The following CEMIP variants were observed in gnomAD, a reference collection of about 807,000 sequenced individuals.
CEMIP encodes the protein cell migration-inducing and hyaluronan-binding protein.
CEMIP carries 105 observed loss-of-function variants against 156.9 expected under a neutral mutation model. The observed-to-expected ratio is 0.67, with a 90% CI of 0.57 to 0.79. The LOEUF (loss-of-function observed/expected upper bound fraction) is 0.79, where lower values mean the gene tolerates loss of function less well. CEMIP is among the 30% of genes least tolerant of loss of function. The pLI, the probability that CEMIP is intolerant of heterozygous loss-of-function variation, is 0.00. For synonymous variants in CEMIP, 676 were observed against 668.4 expected (o/e 1.01, Z -0.17); for missense variants, 1,457 against 1,769.4 (o/e 0.82, Z 3.17).
chr15:80,920,403 C>A, intron 15 of CEMIP, 104 bp downstream of exon 15: 1 of 1,082,648 alleles, frequency 9.2e-7, no homozygotes, highest in Non-Finnish European at 1.3e-6. Context: ...CACTTCGGGG[C>A]TCTGAGGAGC....
chr15:80,942,079 A>G (rs1406619492), intron 26 of CEMIP, 26 bp downstream of exon 26: 1 of 1,605,920 alleles, frequency 6.2e-7, no homozygotes, highest in Non-Finnish European at 8.5e-7. Flanking sequence ...CAAAGCCTAG[A>G]CCCCTTTGCC....
At chr15:80,907,018 C>G (rs949464077) in intron 13 of CEMIP, among the ~76,000 whole-genome samples, 180 bp downstream of exon 13, 5 of 152,094 alleles carry the variant, frequency 3.3e-5, no homozygotes, top group African/African-American at 1.2e-4. Context: ...CAGCTCCCCC[C>G]CCACCAATAT....
rs1436560278 is a variant in CEMIP at position 80,834,345 on chromosome 15, T to C, written c.-175-39193T>C. Among the ~76,000 whole-genome samples the C allele has an allele frequency of 2.0e-5, 3 of 152,364 alleles. No individual in the cohort carries two copies. In the East Asian group the frequency reaches 5.8e-4, roughly 29 times the overall value. On this transcript the variant is annotated intron_variant, in intron 1 of 29. Coordinates refer to ENST00000394685, the MANE Select transcript of CEMIP (RefSeq NM_001293298.2). ...TACCAATCTTTTTTAAAATTGTTAGTCCTTTTTTATTTCTGTTTTACACAT... is the reference window on the plus strand; with the variant it reads ...TACCAATCTTTTTTAAAATTGTTAGCCCTTTTTTATTTCTGTTTTACACAT...
intron 1 of CEMIP, among the ~76,000 whole-genome samples, chr15:80,868,125 G>A (rs183721274): frequency 2.0e-4 from 30 of 152,272 alleles, no homozygotes; most frequent in Admixed American, 1.8e-3. Flanking sequence ...AGGAGCCACG[G>A]CATGGATTTA....
Position 80,873,622 on chromosome 15 carries a change from A to C in CEMIP, c.-91A>C. ...TCACTCGGTCTCTGAGCTGCAGGAC[A>C]CAGGCAGGACAACGGTAGGATTTTC... On this transcript the variant is annotated 5_prime_UTR_variant, in exon 2 of 30. Coordinates refer to ENST00000394685, the MANE Select transcript of CEMIP (RefSeq NM_001293298.2). 2.0e-6 allele frequency: 1 copy of C among 506,260 alleles called. No individual in the cohort carries two copies. Among genetic ancestry groups the C allele is most frequent in the African/African-American group, 1.9e-5 (1 of 51,874 alleles). 31.4% of individuals were successfully genotyped at this position (506,260 alleles called of 1,614,324 possible). A position where few individuals can be genotyped will look rare whatever the true frequency, so the allele number is the denominator to read the frequency against.
chr15:80,874,044 G>A (rs1898388243), intron 3 of CEMIP, 71 bp downstream of exon 3: 16 of 1,407,930 alleles, frequency 1.1e-5, no homozygotes, highest in Non-Finnish European at 1.5e-5. Context: ...GAGCAAGGCT[G>A]CTTTTGGGGG....
chr15:80,930,286 C>G (rs768813579), intron 21 of CEMIP, among the ~76,000 whole-genome samples: 1 of 152,242 alleles, frequency 6.6e-6, no homozygotes, highest in Admixed American at 6.5e-5. Context: ...ATGGAGCAGT[C>G]CCTTTCAGCA....
In CEMIP at chr15:80,895,029, G is replaced by A. The variant is rs575897703; in HGVS notation, c.1126G>A (p.Val376Ile). ...MDGVNLSTEV[V>I]YKKGQDYRFA... ...TGGAGTTAACCTCAGCACCGAGGTT[G>A]TCTACAAAAAAGGCCAGGATTATAG... The change falls in exon 11 of 30, where the codon GTC (valine) becomes ATC (isoleucine). Residue 376 changes from valine (V) to isoleucine (I), a missense_variant. Transcript: ENST00000394685. 1.9e-6 allele frequency: 3 copies of A among 1,614,150 alleles called. No homozygotes were observed. Among genetic ancestry groups the A allele is most frequent in the African/African-American group, 2.7e-5 (2 of 75,042 alleles).
chr15:80,805,331 C>T (rs143469667), intron 1 of CEMIP, among the ~76,000 whole-genome samples: 7 of 152,298 alleles, frequency 4.6e-5, no homozygotes, highest in South Asian at 2.1e-4. Flanking sequence ...CCTTCCTGCC[C>T]GCCCGGGACA....
intron 10 of CEMIP, among the ~76,000 whole-genome samples, chr15:80,890,878 A>C (rs966624137): frequency 6.6e-6 from 1 of 152,166 alleles, no homozygotes; most frequent in African/African-American, 2.4e-5. Context: ...CTTTCTCATT[A>C]TTTGGCTGAG....
intron 10 of CEMIP, 44 bp from the exon 11 acceptor site, chr15:80,894,946 A>G (rs534014313): frequency 6.9e-7 from 1 of 1,441,114 alleles, no homozygotes. Flanking sequence ...CCTTCTCTAT[A>G]AAAAAAAAAC....
At chr15:80,795,581 A>G (rs1596093707) in intron 1 of CEMIP, among the ~76,000 whole-genome samples, 1 of 152,178 alleles carries the variant, frequency 6.6e-6, no homozygotes, top group African/African-American at 2.4e-5. Context: ...ATTATACTCC[A>G]GGACACACTG....
At chr15:80,785,537 T>C (rs370364321) in intron 1 of CEMIP, among the ~76,000 whole-genome samples, 1 of 152,204 alleles carries the variant, frequency 6.6e-6, no homozygotes, top group East Asian at 1.9e-4. Flanking sequence ...GTTGAATACA[T>C]GGTTCCTGCT....
rs750368243 is a variant in CEMIP, at chr15:80,933,422, G to A, written c.2971G>A (p.Asp991Asn). 6.1e-5 allele frequency: 99 copies of A among 1,614,018 alleles called. No homozygotes were observed. Among genetic ancestry groups the A allele is most frequent in the Non-Finnish European group, 5.9e-5 (70 of 1,180,042 alleles). Reference protein sequence around the residue: ...VRHPDCINVPDWRGAICSGCY... With the variant: ...VRHPDCINVPNWRGAICSGCY... ...GCACCCAGACTGCATCAATGTTCCC[G>A]ACTGGAGAGGGGCCATTTGCAGTGG... The change falls in exon 23 of 30, where the codon GAC becomes AAC. Residue 991 changes from aspartate (D) to asparagine (N), a missense_variant. This residue lies in a region of CEMIP where 798 missense variants were observed against 980.1 expected (regional missense o/e 0.81). Coordinates refer to ENST00000394685, the MANE Select transcript of CEMIP (RefSeq NM_001293298.2).
intron 1 of CEMIP, among the ~76,000 whole-genome samples, chr15:80,784,417 C>G (rs951910491): frequency 6.6e-6 from 1 of 152,204 alleles, no homozygotes; most frequent in Non-Finnish European, 1.5e-5. Flanking sequence ...CTCTTTGGCC[C>G]TCTCTGAGGT....
chr15:80,791,954 C>T (rs1013714920), intron 1 of CEMIP, among the ~76,000 whole-genome samples: 3 of 152,170 alleles, frequency 2.0e-5, no homozygotes, highest in African/African-American at 2.4e-5. Context: ...ACTCTGAATG[C>T]GGTCTGGTCT....
At chr15:80,904,097 C>T (rs1054887555) in intron 12 of CEMIP, among the ~76,000 whole-genome samples, 4 of 152,218 alleles carry the variant, frequency 2.6e-5, no homozygotes, top group African/African-American at 9.6e-5. Flanking sequence ...ACAGCTTCCA[C>T]GTGTGGTGTC....
chr15:80,819,134 G>A (rs1006028671), intron 1 of CEMIP, among the ~76,000 whole-genome samples: 7 of 152,228 alleles, frequency 4.6e-5, no homozygotes, highest in African/African-American at 1.7e-4. Flanking sequence ...CAGAAAGGCT[G>A]TTAAATAACT....
At chr15:80,862,554 G>A (rs575734709) in intron 1 of CEMIP, among the ~76,000 whole-genome samples, 117 of 152,328 alleles carry the variant, frequency 7.7e-4, no homozygotes, top group African/African-American at 2.7e-3. Context: ...TCACCTGGCT[G>A]TGGAACATGT....
Sources: gnomAD v4.1 joint callset for allele counts (sites outside exome capture counted in the v4.1 genomes callset) on GRCh38, gnomAD v4.1.1 for gene constraint, gnomAD v4.1.1 regional missense constraint, MANE v1.5 for transcripts, NCBI Gene and HGNC (gene_info 2026-07-23, HGNC 2026-07-21) for gene names.